The following GPM6B variants were observed in gnomAD, a reference collection of about 807,000 sequenced individuals.
GPM6B encodes the protein neuronal membrane glycoprotein M6-b.
In GPM6B, 4 loss-of-function variants were observed where a neutral mutation model predicts 27.2. The ratio of observed to expected loss-of-function variants is 0.15; its 90% confidence interval spans 0.07 to 0.34. GPM6B has a LOEUF of 0.34. GPM6B is among the 10% of genes least tolerant of loss of function. The pLI, the probability that GPM6B is intolerant of heterozygous loss-of-function variation, is 1.00. For missense variants in GPM6B, 183 were observed against 261.9 expected, an observed-to-expected ratio of 0.70 and a Z score of 2.08; for synonymous variants, 124 against 103.1, an observed-to-expected ratio of 1.20 and a Z score of -1.23.
intron 1 of GPM6B, chrX:13,889,661 T>A (rs1480340577): frequency 9.0e-6 from 1 of 111,200 alleles, no homozygotes; most frequent in Non-Finnish European, 1.9e-5. Context: ...TAAAAAAAAT[T>A]GTGGTAAACT....
At chrX:13,875,434 G>A (rs926591984) in intron 1 of GPM6B, among the ~76,000 whole-genome samples, 1 of 111,610 alleles carries the variant, frequency 9.0e-6, no homozygotes, top group Non-Finnish European at 1.9e-5. Context: ...TATGGCAGAG[G>A]AGGACTGGCA....
intron 1 of GPM6B, among the ~76,000 whole-genome samples, chrX:13,921,574 C>CA (rs1167521248): frequency 3.3e-5 from 2 of 59,725 alleles, no homozygotes; most frequent in Non-Finnish European, 7.0e-5. Flanking sequence ...CATTTATAAC[C>CA]CCCCCCCTTT....
At chrX:13,921,182 C>T (rs1920968468) in intron 1 of GPM6B, among the ~76,000 whole-genome samples, 1 of 112,178 alleles carries the variant, frequency 8.9e-6, no homozygotes, top group African/African-American at 3.2e-5. Flanking sequence ...ACCAGTACTA[C>T]GTCTGTCTGC....
intron 1 of GPM6B, among the ~76,000 whole-genome samples, chrX:13,917,912 G>A (rs932943077): frequency 8.9e-6 from 1 of 112,294 alleles, no homozygotes; most frequent in African/African-American, 3.2e-5. Flanking sequence ...CTTCCCAACT[G>A]AATACGTTTC....
chrX:13,797,033 T>C (rs1320770280), intron 2 of GPM6B, among the ~76,000 whole-genome samples: 3 of 112,427 alleles, frequency 2.7e-5, no homozygotes, highest in Non-Finnish European at 5.6e-5. Flanking sequence ...AGCACAGCAA[T>C]CTGGAGGCTA....
intron 1 of GPM6B, among the ~76,000 whole-genome samples, chrX:13,886,919 T>G (rs1170413436): frequency 9.1e-6 from 1 of 109,578 alleles, no homozygotes; most frequent in Non-Finnish European, 1.9e-5. Flanking sequence ...AGGGTTCCAG[T>G]GATTCTCCTC....
upstream of GPM6B, among the ~76,000 whole-genome samples, chrX:13,820,349 C>T (rs2049294195): frequency 9.0e-6 from 1 of 110,630 alleles, no homozygotes. Context: ...GAGTTTCTAG[C>T]TTGGGTGAGT....
chrX:13,774,728 G>A lies in GPM6B; in HGVS notation c.837+1510C>T, dbSNP rs987752044. 77 of 577,588 alleles carry A rather than the reference G, an allele frequency of 1.3e-4. No homozygotes were observed. In the African/African-American group the frequency reaches 1.7e-3, roughly 13 times the overall value. The allele number at this position is 577,588 out of a possible 1,213,427, so 47.6% of individuals were successfully genotyped here. ...GGACGGGTGCCTGCTCATAGTCTAA[G>A]GTGTTTTTTTCCCACTTAAAATCAC... is the stretch of plus-strand genomic sequence containing the variant. On this transcript the variant is annotated intron_variant, in intron 7 of 7. Transcript: ENST00000316715.
chrX:13,900,269 T>C (rs917253651), intron 1 of GPM6B, among the ~76,000 whole-genome samples: 4 of 112,009 alleles, frequency 3.6e-5, no homozygotes, highest in Non-Finnish European at 7.5e-5. Context: ...CTAATAAAAA[T>C]AGTAGCACCA....
At position 13,774,260 on chromosome X, in the gene GPM6B, GCTCT is replaced by G. The variant is rs781438679; in HGVS notation, c.838-1234_838-1231del. On this transcript the variant is annotated intron_variant, in intron 7 of 7. Transcript: ENST00000316715. ...TGTTAATAATTCATTTAAAGATACTGCTCTCTAATGTTTAAGTATGAGAACATTA... is the reference window on the plus strand; with the variant it reads ...TGTTAATAATTCATTTAAAGATACTGCTAATGTTTAAGTATGAGAACATTA... 3.4e-3 allele frequency: 2,817 copies of G among 826,386 alleles called. 9 individuals carry two copies. Among genetic ancestry groups the G allele is most frequent in the South Asian group, 7.0e-3 (125 of 17,958 alleles). 68.1% of individuals were successfully genotyped at this position (826,386 alleles called of 1,213,427 possible). A position where few individuals can be genotyped will look rare whatever the true frequency, so the allele number is the denominator to read the frequency against.
chrX:13,776,847 T>A (rs932219678), intron 6 of GPM6B, among the ~76,000 whole-genome samples: 1 of 112,137 alleles, frequency 8.9e-6, no homozygotes, highest in African/African-American at 3.2e-5. Flanking sequence ...TAAGGACGAA[T>A]GAGAATTAGA....
intron 3 of GPM6B, among the ~76,000 whole-genome samples, chrX:13,785,234 C>T (rs1031293022): frequency 8.9e-6 from 1 of 111,850 alleles, no homozygotes; most frequent in Admixed American, 9.5e-5. Flanking sequence ...GCTAGGAAAG[C>T]ACACTGTAGT....
intron 1 of GPM6B, among the ~76,000 whole-genome samples, chrX:13,853,491 C>T (rs781193901): frequency 9.7e-6 from 1 of 102,603 alleles, no homozygotes; most frequent in East Asian, 3.2e-4. Context: ...GTAATCCCAG[C>T]TACTCGGGAG....
rs999020984 is a variant in GPM6B, at chrX:13,854,422, G to A, written c.-197-68614C>T. Reference sequence around the variant, plus strand: ...AAGAGAAGAGATGGCTTTTGGCTTAGAACTGAGATTTAAATATACAGACTC... The same window carrying A: ...AAGAGAAGAGATGGCTTTTGGCTTAAAACTGAGATTTAAATATACAGACTC... On this transcript the variant is annotated intron_variant, in intron 1 of 6. Coordinates refer to the GPM6B transcript ENST00000398361. Among the ~76,000 whole-genome samples, 2 of 111,847 alleles carry A rather than the reference G, an allele frequency of 1.8e-5. 1 individual carries two copies. Among genetic ancestry groups the A allele is most frequent in the African/African-American group, 6.5e-5 (2 of 30,807 alleles).
intron 1 of GPM6B, among the ~76,000 whole-genome samples, chrX:13,823,848 A>G (rs1007309431): frequency 8.9e-6 from 1 of 112,207 alleles, no homozygotes; most frequent in Non-Finnish European, 1.9e-5. Context: ...AAAGGAGAGC[A>G]AGAGAATAAG....
At chrX:13,907,802 T>G (rs1165362052) in intron 1 of GPM6B, among the ~76,000 whole-genome samples, 2 of 112,718 alleles carry the variant, frequency 1.8e-5, no homozygotes, top group Admixed American at 1.9e-4. Context: ...TAATGTATTT[T>G]ATTTCCAGAG....
At chrX:13,856,849 G>A (rs759235833) in intron 1 of GPM6B, among the ~76,000 whole-genome samples, 8 of 110,370 alleles carry the variant, frequency 7.2e-5, no homozygotes, top group East Asian at 2.8e-4. Flanking sequence ...ACAGGCATGC[G>A]CCACCATGCC....
At chrX:13,913,877 G>A (rs2050403302) in intron 1 of GPM6B, among the ~76,000 whole-genome samples, 1 of 110,796 alleles carries the variant, frequency 9.0e-6, no homozygotes, top group South Asian at 3.9e-4. Flanking sequence ...TCAGCCTCCC[G>A]AGTAGCTGGG....
At chrX:13,788,666 T>TC (rs2048657360) in intron 2 of GPM6B, among the ~76,000 whole-genome samples, 1 of 110,081 alleles carries the variant, frequency 9.1e-6, no homozygotes, top group Non-Finnish European at 1.9e-5. Flanking sequence ...AACTCATCCT[T>TC]CCAAATCCAC....
Sources: gnomAD v4.1 joint callset for allele counts (sites outside exome capture counted in the v4.1 genomes callset) on GRCh38, gnomAD v4.1.1 for gene constraint, MANE v1.5 for transcripts, NCBI Gene and HGNC (gene_info 2026-07-23, HGNC 2026-07-21) for gene names.